Variants in PHACTR1 observed in about 807,000 individuals in gnomAD.
The protein encoded by PHACTR1 is RPEL repeat containing 1.
A neutral mutation model predicts 69.2 loss-of-function variants in PHACTR1; 16 were observed. The ratio of observed to expected loss-of-function variants is 0.23; its 90% CI spans 0.16 to 0.35. The LOEUF (loss-of-function observed/expected upper bound fraction) is 0.35, where lower values mean the gene tolerates loss of function less well. Ranked by LOEUF, PHACTR1 falls within the 10% of genes least tolerant of loss-of-function variation. The probability of loss-of-function intolerance (pLI) is 1.00; values close to 1 mark genes in which losing one functional copy is unlikely to be tolerated. For missense variants in PHACTR1, 510 were observed against 734.7 expected, an observed-to-expected ratio of 0.69 and a Z score of 3.54; for synonymous variants, 312 against 284.5, an observed-to-expected ratio of 1.10 and a Z score of -0.97.
intron 4 of PHACTR1, among the ~76,000 whole-genome samples, chr6:13,020,452 C>CTCA (rs1381305544): frequency 6.6e-6 from 1 of 152,190 alleles, no homozygotes; most frequent in Non-Finnish European, 1.5e-5. Flanking sequence ...AGGGACGTTG[C>CTCA]TGTGACAGGC....
At chr6:13,045,678 A>G (rs1240229245) in intron 4 of PHACTR1, among the ~76,000 whole-genome samples, 2 of 152,216 alleles carry the variant, frequency 1.3e-5, no homozygotes, top group South Asian at 2.1e-4. Flanking sequence ...CTTTGGACCT[A>G]TGGATCCCTG....
chr6:13,127,516 G>A (rs1183667556), intron 5 of PHACTR1, among the ~76,000 whole-genome samples: 2 of 152,206 alleles, frequency 1.3e-5, no homozygotes, highest in East Asian at 3.8e-4. Flanking sequence ...GTTGCAGTGA[G>A]CTATGGTCGT....
At chr6:12,755,074 C>T (rs1375490917) in intron 4 of PHACTR1, among the ~76,000 whole-genome samples, 1 of 152,146 alleles carries the variant, frequency 6.6e-6, no homozygotes, top group Non-Finnish European at 1.5e-5. Flanking sequence ...AACACAGAAT[C>T]TATGTTGGGT....
intron 4 of PHACTR1, among the ~76,000 whole-genome samples, chr6:12,931,003 C>CAAAAAAAA (rs34965562): frequency 1.2e-5 from 1 of 86,188 alleles, no homozygotes; most frequent in Non-Finnish European, 2.4e-5. Flanking sequence ...AACTCTGTCT[C>CAAAAAAAA]AAAAAAAAAA....
intron 10 of PHACTR1, among the ~76,000 whole-genome samples, chr6:13,269,232 A>G (rs1344218735): frequency 2.6e-5 from 4 of 152,260 alleles, no homozygotes; most frequent in African/African-American, 2.4e-5. Flanking sequence ...AAACCATTCC[A>G]TAAAAGTGGC....
chr6:12,899,180 T>G (rs1022882976), intron 4 of PHACTR1, among the ~76,000 whole-genome samples: 2 of 152,206 alleles, frequency 1.3e-5, no homozygotes, highest in African/African-American at 4.8e-5. Flanking sequence ...AATAGGGCTG[T>G]ACCTTCCTTA....
At chr6:13,262,772 G>C (rs35275607) in intron 10 of PHACTR1, among the ~76,000 whole-genome samples, 66,900 of 152,142 alleles carry the variant, frequency 0.44, 18,137 homozygotes, top group Non-Finnish European at 0.62. Flanking sequence ...CTTTTGGAGA[G>C]AGGATCTTAT....
chr6:12,749,770 T>G lies in PHACTR1; in HGVS notation c.230T>G (p.Ile77Ser). ...SDTPYLAEAR[I>S]SFNLGAAEEV... is the part of the protein sequence containing the mutation. ...ACGCCGTACCTCGCAGAGGCCAGGATCTCCTTTAACCTGGGGGCAGGTAAG... is the reference window on the plus strand; with the variant it reads ...ACGCCGTACCTCGCAGAGGCCAGGAGCTCCTTTAACCTGGGGGCAGGTAAG... Residue 77 changes from isoleucine to serine, a missense_variant, in exon 4 of 15, where the codon ATC (isoleucine) becomes AGC (serine). Transcript: ENST00000332995. 6.2e-7 allele frequency: 1 copy of G among 1,608,032 alleles called. No individual in the cohort carries two copies. Among genetic ancestry groups the G allele is most frequent in the Non-Finnish European group, 8.5e-7 (1 of 1,178,230 alleles).
At chr6:13,272,558 A>G in intron 10 of PHACTR1, 1 of 617,796 alleles carries the variant, frequency 1.6e-6, no homozygotes, top group Non-Finnish European at 2.6e-6. Flanking sequence ...TCTGTGAAGA[A>G]AAGAGTCCCG....
intron 4 of PHACTR1, among the ~76,000 whole-genome samples, chr6:12,895,675 A>G (rs1379560761): frequency 6.6e-6 from 1 of 152,208 alleles, no homozygotes; most frequent in East Asian, 1.9e-4. Context: ...CATACTCCAC[A>G]CCTTTTATCC....
intron 4 of PHACTR1, among the ~76,000 whole-genome samples, chr6:12,902,632 C>T (rs1203318849): frequency 6.6e-6 from 1 of 152,138 alleles, no homozygotes; most frequent in Non-Finnish European, 1.5e-5. Flanking sequence ...CTTTCCTAGG[C>T]TGAGGGGCAT....
intron 6 of PHACTR1, among the ~76,000 whole-genome samples, chr6:13,174,212 C>G (rs1405598360): frequency 6.6e-6 from 1 of 152,234 alleles, no homozygotes; most frequent in Admixed American, 6.5e-5. Flanking sequence ...AAAATGGGAA[C>G]ACAGAACATG....
At chr6:13,282,136 T>C (rs895347509) in intron 12 of PHACTR1, among the ~76,000 whole-genome samples, 12 of 152,176 alleles carry the variant, frequency 7.9e-5, no homozygotes, top group Non-Finnish European at 1.3e-4. Context: ...GCCAGGGTGG[T>C]TTGGACTCCA....
intron 4 of PHACTR1, among the ~76,000 whole-genome samples, chr6:13,048,522 T>TTGTGTGTGTGTGTGTGTGTGTGTGTGTG (rs70989824): frequency 7.6e-4 from 108 of 142,968 alleles, no homozygotes; most frequent in African/African-American, 2.8e-3. Flanking sequence ...TTCCATTTCT[T>TTGTGTGTGTGTGTGTGTGTGTGTGTGTG]TGTGTGTGTG....
intron 5 of PHACTR1, among the ~76,000 whole-genome samples, chr6:13,128,409 A>G (rs552043451): frequency 1.3e-5 from 2 of 151,706 alleles, no homozygotes; most frequent in Non-Finnish European, 1.5e-5. Context: ...TTTTAAATGT[A>G]GGATATGGAT....
chr6:12,926,420 C>G (rs901409283), intron 4 of PHACTR1, among the ~76,000 whole-genome samples: 2 of 152,344 alleles, frequency 1.3e-5, no homozygotes, highest in Admixed American at 6.5e-5. Context: ...TAACCAATGA[C>G]TTCCAAATCT....
intron 4 of PHACTR1, among the ~76,000 whole-genome samples, chr6:12,781,226 T>C (rs529517371): frequency 2.5e-4 from 38 of 152,284 alleles, no homozygotes; most frequent in African/African-American, 8.4e-4. Flanking sequence ...CTTCTCCTTT[T>C]GCCCACATGC....
At chr6:12,784,557 C>G (rs182090112) in intron 4 of PHACTR1, among the ~76,000 whole-genome samples, 1 of 151,026 alleles carries the variant, frequency 6.6e-6, no homozygotes, top group African/African-American at 2.5e-5. Flanking sequence ...ACATATATAT[C>G]TATACACATA....
At chr6:12,827,889 G>A (rs948104135) in intron 4 of PHACTR1, among the ~76,000 whole-genome samples, 4 of 151,694 alleles carry the variant, frequency 2.6e-5, no homozygotes, top group African/African-American at 9.7e-5. Flanking sequence ...GTGAGGGGGG[G>A]TGAAGCTTGC....
Sources: gnomAD v4.1 joint callset for allele counts (sites outside exome capture counted in the v4.1 genomes callset) on GRCh38, gnomAD v4.1.1 for gene constraint, MANE v1.5 for transcripts, NCBI Gene and HGNC (gene_info 2026-07-23, HGNC 2026-07-21) for gene names.